Variants in ZNF469 observed in about 807,000 individuals in gnomAD.
ZNF469 encodes zinc finger protein 469.
A neutral mutation model predicts 1.0 loss-of-function variants in ZNF469; 1 was observed. The observed-to-expected ratio is 1.00, with a 90% CI of 0.35 to 4.73. The LOEUF (loss-of-function observed/expected upper bound fraction) is 4.73. Among genes scored for constraint, ZNF469 ranks in the 30% most tolerant of loss-of-function variants. The probability of loss-of-function intolerance (pLI) is 0.16; values close to 1 mark genes in which losing one functional copy is unlikely to be tolerated. For missense variants in ZNF469, 6,100 were observed against 5,356.3 expected (o/e 1.14, Z -4.33); for synonymous variants, 2,703 against 2,363.4 (o/e 1.14, Z -4.17).
the ZNF469 span, among the ~76,000 whole-genome samples, chr16:88,134,195 G>A: frequency 1.3e-5 from 2 of 152,174 alleles, no homozygotes; most frequent in South Asian, 4.1e-4. Flanking sequence ...CATCTAAATG[G>A]GCTGCCCTTG....
chr16:88,367,830 A>T, the ZNF469 span, among the ~76,000 whole-genome samples: 1 of 152,246 alleles, frequency 6.6e-6, no homozygotes, highest in East Asian at 1.9e-4. Flanking sequence ...CCAGCTTTCC[A>T]AGAGACATAT....
the ZNF469 span, among the ~76,000 whole-genome samples, chr16:88,367,894 A>C: frequency 6.6e-6 from 1 of 152,226 alleles, no homozygotes; most frequent in Non-Finnish European, 1.5e-5. Flanking sequence ...CTGCTGAACC[A>C]GTGAACCTGG....
At chr16:88,326,529 C>T in the ZNF469 span, among the ~76,000 whole-genome samples, 1 of 152,196 alleles carries the variant, frequency 6.6e-6, no homozygotes, top group Admixed American at 6.5e-5. Context: ...ACATCCAGAA[C>T]CACTTTATTA....
chr16:88,418,819 CAGAT>C (rs1427978746), intron 1 of ZNF469, among the ~76,000 whole-genome samples: 1 of 152,224 alleles, frequency 6.6e-6, no homozygotes, highest in Non-Finnish European at 1.5e-5. Context: ...ACTCAGGTAA[CAGAT>C]AGTTTTTAAG....
intron 1 of ZNF469, among the ~76,000 whole-genome samples, chr16:88,418,235 C>T (rs949698373): frequency 9.9e-5 from 15 of 152,142 alleles, no homozygotes; most frequent in Non-Finnish European, 1.3e-4. Flanking sequence ...TCTACAGAGC[C>T]GGGACCAACA....
the ZNF469 span, among the ~76,000 whole-genome samples, chr16:88,340,813 G>A: frequency 1.3e-5 from 2 of 152,146 alleles, no homozygotes; most frequent in Non-Finnish European, 2.9e-5. Context: ...ACAGGGAGGA[G>A]TTTACAGGCA....
the ZNF469 span, among the ~76,000 whole-genome samples, chr16:88,369,362 T>C: frequency 4.6e-5 from 7 of 152,214 alleles, no homozygotes; most frequent in African/African-American, 1.7e-4. Context: ...CCCCATTGCT[T>C]CTTCCCAGGG....
At chr16:88,422,825 T>G (rs1450470045) in intron 1 of ZNF469, among the ~76,000 whole-genome samples, 3 of 137,906 alleles carry the variant, frequency 2.2e-5, no homozygotes, top group African/African-American at 8.8e-5. Context: ...GATGGGTGGG[T>G]GGGTGATGGA....
chr16:88,371,284 T>C, the ZNF469 span, among the ~76,000 whole-genome samples: 1 of 152,204 alleles, frequency 6.6e-6, no homozygotes, highest in African/African-American at 2.4e-5. Context: ...AATGCTCCGA[T>C]AGATAAACAA....
chr16:88,434,169 C>T lies in ZNF469; in HGVS notation c.6699C>T (p.Val2233=). 6.5e-7 allele frequency: 1 copy of T among 1,550,344 alleles called. No individual in the cohort carries two copies. The highest frequency in any genetic ancestry group is 8.7e-7 in the Non-Finnish European group (1 of 1,146,962). Residue 2233 remains valine, a synonymous_variant, in exon 3 of 3, where the codon GTC becomes GTT. Coordinates refer to ENST00000565624, the MANE Select transcript of ZNF469 (RefSeq NM_001367624.2). ...EDPSSWPPGS[V]SAVTCTHSGD... is the part of the protein sequence containing the mutation. ...CTTCCTCCTGGCCTCCTGGCTCCGTCAGTGCTGTAACCTGCACTCACAGTG... is the reference window on the plus strand; with the variant it reads ...CTTCCTCCTGGCCTCCTGGCTCCGTTAGTGCTGTAACCTGCACTCACAGTG...
chr16:88,402,083 A>T (rs989605225), intron 1 of ZNF469, among the ~76,000 whole-genome samples: 1 of 64,034 alleles, frequency 1.6e-5, no homozygotes, highest in Non-Finnish European at 3.1e-5. Context: ...TAGATGGTAG[A>T]TGGATGGGTG....
At chr16:88,301,568 C>T in the ZNF469 span, among the ~76,000 whole-genome samples, 3 of 152,188 alleles carry the variant, frequency 2.0e-5, no homozygotes, top group Admixed American at 6.5e-5. Flanking sequence ...CACCGTCAGG[C>T]GAGTAGGGGA....
chr16:88,281,763 G>A, the ZNF469 span, among the ~76,000 whole-genome samples: 2 of 150,488 alleles, frequency 1.3e-5, no homozygotes, highest in African/African-American at 5.0e-5. Context: ...CCATGCATGG[G>A]TTAGTACTGT....
chr16:88,289,261 A>C, the ZNF469 span, among the ~76,000 whole-genome samples: 1 of 112,776 alleles, frequency 8.9e-6, no homozygotes, highest in Middle Eastern at 4.0e-3. Flanking sequence ...GGCAACAGTG[A>C]TGGTGATGAT....
the ZNF469 span, among the ~76,000 whole-genome samples, chr16:88,114,162 A>C: frequency 6.7e-6 from 1 of 149,112 alleles, no homozygotes; most frequent in Admixed American, 6.7e-5. Context: ...ACACTCCCTG[A>C]CTGCGGGGGT....
chr16:88,429,354 C>T lies in ZNF469; in HGVS notation c.1884C>T (p.Pro628=). ...CAGAGGAAAGCCAGCTCCCCGGCCC[C>T]CTCGGGCCCTCGGCCTTCTTCCACC... ...PSSEESQLPG[P]LGPSAFFHPP... is the part of the protein sequence containing the mutation. Residue 628 remains proline, a synonymous_variant, in exon 3 of 3, where the codon CCC becomes CCT. Transcript: ENST00000565624. 2 of 1,549,858 alleles carry T rather than the reference C, an allele frequency of 1.3e-6. No homozygotes were observed. Among genetic ancestry groups the T allele is most frequent in the Non-Finnish European group, 8.7e-7 (1 of 1,146,784 alleles).
the ZNF469 span, among the ~76,000 whole-genome samples, chr16:88,361,888 A>C: frequency 6.6e-6 from 1 of 152,308 alleles, no homozygotes; most frequent in South Asian, 2.1e-4. Context: ...ACAGATACCC[A>C]GTTGTGCCTG....
At chr16:88,134,246 T>C in the ZNF469 span, among the ~76,000 whole-genome samples, 1 of 152,232 alleles carries the variant, frequency 6.6e-6, no homozygotes, top group African/African-American at 2.4e-5. Context: ...CGGTGGTATT[T>C]TGGGGCCATC....
chr16:88,380,768 TCA>T (rs1274878820), upstream of ZNF469, among the ~76,000 whole-genome samples: 3 of 80,210 alleles, frequency 3.7e-5, no homozygotes, highest in East Asian at 4.0e-4. Context: ...ACAGACGTCC[TCA>T]CACACATGCA....
Sources: gnomAD v4.1 joint callset for allele counts (sites outside exome capture counted in the v4.1 genomes callset) on GRCh38, gnomAD v4.1.1 for gene constraint, MANE v1.5 for transcripts, NCBI Gene and HGNC (gene_info 2026-07-23, HGNC 2026-07-21) for gene names.